The following ZFR2 variants were observed in gnomAD, a reference collection of about 807,000 sequenced individuals.
The protein encoded by ZFR2 is zinc finger RNA-binding protein 2.
A neutral mutation model predicts 105.7 loss-of-function variants in ZFR2; 104 were observed. That is an observed-to-expected ratio of 0.98 (90% CI 0.84 to 1.16). ZFR2 has a LOEUF of 1.16. ZFR2 is among the 50% of genes most tolerant of loss of function. The probability of loss-of-function intolerance (pLI) is 0.00; values close to 1 mark genes in which losing one functional copy is unlikely to be tolerated. For missense variants in ZFR2, 1,425 were observed against 1,355.5 expected (o/e 1.05, Z -0.80); for synonymous variants, 634 against 597.7 (o/e 1.06, Z -0.89).
intron 1 of ZFR2, among the ~76,000 whole-genome samples, chr19:3,848,862 C>T (rs755918673): frequency 1.1e-4 from 16 of 150,018 alleles, no homozygotes; most frequent in African/African-American, 3.9e-4. Flanking sequence ...GGTGTGGTGG[C>T]GGGCACCTGT....
chr19:3,827,406 TCCCAAGTGCTG>T, intron 6 of ZFR2, 54 bp downstream of exon 6: 1 of 1,438,478 alleles, frequency 7.0e-7, no homozygotes, highest in South Asian at 1.5e-5. Context: ...CCTCTGTGGG[TCCCAAGTGCTG>T]ACCTGGGGGC....
In ZFR2 at chr19:3,845,309, A is replaced by AT. The variant is rs201271274; in HGVS notation, c.54-10327dup. On this transcript the variant is annotated intron_variant, in intron 1 of 18. Transcript: ENST00000262961. ...CATAGTCAGACCCTGTCTCTACAAA[A>AT]TTTTTTTTTTATTACAGAAGTATAA... is the stretch of plus-strand genomic sequence containing the variant. Among the ~76,000 whole-genome samples, 11 of 150,034 alleles carry AT rather than the reference A, an allele frequency of 7.3e-5. No individual in the cohort carries two copies. The East Asian group carries it at 1.4e-3, about 19-fold the overall frequency.
intron 13 of ZFR2, among the ~76,000 whole-genome samples, chr19:3,814,575 G>A (rs368491567): frequency 3.3e-5 from 5 of 152,180 alleles, no homozygotes; most frequent in East Asian, 1.9e-4. Context: ...AGGGGGCTCC[G>A]TTGACATTAC....
rs781159390 is a variant in ZFR2, at chr19:3,833,673, C to G, written c.370G>C (p.Gly124Arg). The stretch of plus-strand genomic sequence containing the variant: ...CCTGCAGATGGCTCACCTGGCTGGC[C>G]GGAGTCTGCGGCTGTCATGCGCCCA... ...QSGRMTAADS[G>R]QPGTQEACGQ... Residue 124 changes from glycine (G) to arginine (R), a missense_variant, in exon 3 of 19, where the codon GGC (glycine) becomes CGC (arginine). Coordinates refer to ENST00000262961, the MANE Select transcript of ZFR2 (RefSeq NM_015174.2). The G allele has an allele frequency of 6.4e-7, 1 of 1,559,736 alleles. No individual in the cohort carries two copies. The highest frequency in any genetic ancestry group is 8.7e-7 in the Non-Finnish European group (1 of 1,151,770).
chr19:3,868,820 C>T (rs2038465197), intron 1 of ZFR2, 145 bp downstream of exon 1: 1 of 672,220 alleles, frequency 1.5e-6, no homozygotes, highest in African/African-American at 1.9e-5. Flanking sequence ...TCTCCCGGCG[C>T]CGCGGCTTCC....
chr19:3,822,004 C>T, intron 9 of ZFR2, 77 bp downstream of exon 9: 1 of 1,508,234 alleles, frequency 6.6e-7, no homozygotes, highest in Admixed American at 2.1e-5. Context: ...GGAAGAGGCC[C>T]GACCACAGGC....
In ZFR2 at chr19:3,823,179, T is replaced by C. The variant is rs1273534290; in HGVS notation, c.1371+67A>G. 1 of 1,607,554 alleles carries C rather than the reference T, an allele frequency of 6.2e-7. No individual in the cohort carries two copies. Among genetic ancestry groups the C allele is most frequent in the Non-Finnish European group, 8.5e-7 (1 of 1,177,002 alleles). ...TCGCTGGGAGAAGCCGGGTGAGGTCTCGAAGCCTGATCCATGGGAAGGTCC... is the reference window on the plus strand; with the variant it reads ...TCGCTGGGAGAAGCCGGGTGAGGTCCCGAAGCCTGATCCATGGGAAGGTCC... On this transcript the variant is annotated intron_variant, in intron 8 of 18. Coordinates refer to ENST00000262961, the MANE Select transcript of ZFR2 (RefSeq NM_015174.2). The surrounding 1 kb of genome is among the most constrained non-coding windows in gnomAD (Gnocchi z 5.4).
intron 14 of ZFR2, among the ~76,000 whole-genome samples, chr19:3,811,772 G>A (rs542048349): frequency 6.9e-6 from 1 of 145,860 alleles, no homozygotes; most frequent in South Asian, 2.2e-4. Flanking sequence ...TATTTTTTAC[G>A]TATTTAGAGA....
chr19:3,857,377 G>A lies in ZFR2; in HGVS notation c.53+11588C>T, dbSNP rs1005774349. Among the ~76,000 whole-genome samples the A allele has an allele frequency of 5.3e-5, 8 of 152,146 alleles. No individual in the cohort carries two copies. In the South Asian group the frequency reaches 1.5e-3, roughly 28 times the overall value. ...TTTTCAAAGTCTGACCCACACTGAG[G>A]AGGTGAGAGCGATAGTTGAGAAACA... On this transcript the variant is annotated intron_variant, in intron 1 of 18. Coordinates refer to ENST00000262961, the MANE Select transcript of ZFR2 (RefSeq NM_015174.2).
Position 3,816,802 on chromosome 19 carries a change from C to T in ZFR2, c.1975G>A (p.Val659Ile), listed in dbSNP as rs2037829461. ...AGGAGGCCTTTCGCCAGGATGCCTA[C>T]TCGCATGACGCCTTTCAGGACCCGA... Reference protein sequence around the residue: ...QTRVLKGVMRVGILAKGLLLR... With the variant: ...QTRVLKGVMRIGILAKGLLLR... Residue 659 changes from valine (V) to isoleucine (I), a missense_variant, in exon 13 of 19, where the codon GTA (valine) becomes ATA (isoleucine). Physicochemically the swap from Val to Ile is conservative, Grantham distance 29 (BLOSUM62 3). Transcript: ENST00000262961. 6.3e-7 allele frequency: 1 copy of T among 1,590,640 alleles called. No individual in the cohort carries two copies. Among genetic ancestry groups the T allele is most frequent in the African/African-American group, 1.3e-5 (1 of 74,528 alleles).
At chr19:3,808,349 C>G (rs1195010559) in intron 17 of ZFR2, among the ~76,000 whole-genome samples, 1 of 152,242 alleles carries the variant, frequency 6.6e-6, no homozygotes, top group African/African-American at 2.4e-5. Flanking sequence ...TGCTATCATC[C>G]TATGTCACTA....
chr19:3,819,236 C>T lies in ZFR2; in HGVS notation c.1741-1G>A. The T allele has an allele frequency of 6.5e-7, 1 of 1,534,836 alleles. No homozygotes were observed. The highest frequency in any genetic ancestry group is 8.7e-7 in the Non-Finnish European group (1 of 1,149,664). ...CGCTGGACGCCGGCCGCCGCCCGGG[C>T]TGTGGGGAGAGGCCGCACGTGTCAA... is the stretch of plus-strand genomic sequence containing the variant. On this transcript the variant is annotated splice_acceptor_variant, in intron 11 of 18. Transcript: ENST00000262961. LOFTEE classifies it high-confidence loss of function.
chr19:3,839,734 T>C (rs947832031), intron 1 of ZFR2, among the ~76,000 whole-genome samples: 1 of 152,072 alleles, frequency 6.6e-6, no homozygotes, highest in East Asian at 1.9e-4. Context: ...AGCTTATTGT[T>C]TAAATACAGA....
At chr19:3,820,112 C>A (rs537991426) in intron 11 of ZFR2, 70 bp downstream of exon 11, 1 of 1,477,850 alleles carries the variant, frequency 6.8e-7, no homozygotes, top group African/African-American at 1.4e-5. Flanking sequence ...CGGGTCCTCC[C>A]GAGGAGGTGT....
intron 1 of ZFR2, among the ~76,000 whole-genome samples, chr19:3,861,286 A>G (rs906874891): frequency 6.6e-6 from 1 of 152,224 alleles, no homozygotes; most frequent in Admixed American, 6.5e-5. Context: ...CATTCCCCCA[A>G]ATATGTACAA....
intron 1 of ZFR2, among the ~76,000 whole-genome samples, chr19:3,867,848 C>T (rs935153936): frequency 6.6e-6 from 1 of 151,680 alleles, no homozygotes; most frequent in Non-Finnish European, 1.5e-5. Flanking sequence ...TCCTCCACCC[C>T]ACATCAGGGG....
intron 1 of ZFR2, among the ~76,000 whole-genome samples, chr19:3,842,338 G>A (rs1362909327): frequency 6.6e-6 from 1 of 152,106 alleles, no homozygotes; most frequent in African/African-American, 2.4e-5. Context: ...ATAGCAACGA[G>A]AGACCCTGAG....
intron 1 of ZFR2, among the ~76,000 whole-genome samples, chr19:3,867,912 T>C (rs1048189217): frequency 8.7e-5 from 13 of 149,330 alleles, no homozygotes; most frequent in Non-Finnish European, 1.6e-4. Context: ...CCCTGCCTGC[T>C]AGGTACCCTC....
At position 3,813,981 on chromosome 19, in the gene ZFR2, A is replaced by G; in HGVS notation, c.2104-23T>C. ...CATCTGGGAGGGGTAAATACAACAC[A>G]AGGCCACCTTACTGCAGCCCAGATT... On this transcript the variant is annotated intron_variant, in intron 13 of 18. Coordinates refer to ENST00000262961, the MANE Select transcript of ZFR2 (RefSeq NM_015174.2). This position sits in a 1 kb window ranked among gnomAD's most constrained non-coding sequence, Gnocchi z 4.4. 6.2e-7 allele frequency: 1 copy of G among 1,612,988 alleles called. No individual in the cohort carries two copies. The highest frequency in any genetic ancestry group is 1.1e-5 in the South Asian group (1 of 90,970).
Sources: allele counts gnomAD v4.1 joint callset (sites outside exome capture counted in the v4.1 genomes callset), GRCh38; gene constraint gnomAD v4.1.1; non-coding constraint Gnocchi (gnomAD v3.1); transcripts MANE v1.5; gene names NCBI Gene and HGNC (gene_info 2026-07-23, HGNC 2026-07-21).